The following BCAS3 variants were observed in gnomAD, a reference collection of about 807,000 sequenced individuals.
BCAS3 encodes BCAS4/BCAS3 fusion.
A neutral mutation model predicts 116.1 loss-of-function variants in BCAS3; 53 were observed. That is an observed-to-expected ratio of 0.46 (90% CI 0.37 to 0.57). The LOEUF is 0.57. BCAS3 is among the 20% of genes least tolerant of loss of function. The pLI is 0.00. For missense variants in BCAS3, 917 were observed against 1,165.4 expected, an observed-to-expected ratio of 0.79 and a Z score of 3.10; for synonymous variants, 391 against 408.2, an observed-to-expected ratio of 0.96 and a Z score of 0.51.
chr17:60,731,072 T>C (rs1391972216), intron 5 of BCAS3, among the ~76,000 whole-genome samples: 1 of 152,212 alleles, frequency 6.6e-6, no homozygotes, highest in African/African-American at 2.4e-5. Flanking sequence ...TAAAAGTAAA[T>C]TGTTATTAAT....
At chr17:61,094,465 C>T (rs1568339855) in intron 22 of BCAS3, among the ~76,000 whole-genome samples, 1 of 152,138 alleles carries the variant, frequency 6.6e-6, no homozygotes, top group African/African-American at 2.4e-5. Context: ...TATTTATTAC[C>T]AATAATAACA....
chr17:61,352,588 C>T lies in BCAS3; in HGVS notation c.2426-15739C>T, dbSNP rs191541813. Among the ~76,000 whole-genome samples the T allele has an allele frequency of 1.2e-3, 187 of 152,194 alleles. No individual in the cohort carries two copies. Among genetic ancestry groups the T allele is most frequent in the Non-Finnish European group, 2.2e-3 (150 of 68,006 alleles). ...TGACCCCACACTCGAGCCACAGCCTCGGAATCTCTTTACCCGTAGGCGCCA... is the reference window on the plus strand; with the variant it reads ...TGACCCCACACTCGAGCCACAGCCTTGGAATCTCTTTACCCGTAGGCGCCA... On this transcript the variant is annotated intron_variant, in intron 22 of 23. Transcript: ENST00000407086. This position sits in a 1 kb window ranked among gnomAD's most constrained non-coding sequence, Gnocchi z 4.7.
chr17:60,836,044 G>A (rs1451703944), intron 7 of BCAS3, among the ~76,000 whole-genome samples: 2 of 152,016 alleles, frequency 1.3e-5, no homozygotes, highest in Non-Finnish European at 2.9e-5. Context: ...AGGAGTTTTA[G>A]GGTCACAGCA....
chr17:60,766,823 CG>C (rs1442867376), intron 6 of BCAS3, among the ~76,000 whole-genome samples: 2 of 152,198 alleles, frequency 1.3e-5, no homozygotes, highest in Admixed American at 6.5e-5. Flanking sequence ...CAGAGGCAGG[CG>C]GGCCCTGTTG....
Position 61,199,708 on chromosome 17 carries a change from G to A in BCAS3, c.2425+115144G>A, listed in dbSNP as rs2080709754. ...GTTCCCTTCTCAAACAGCAGTGACA[G>A]CTTAATTTTGATAGGATCCCTATGA... On this transcript the variant is annotated intron_variant, in intron 22 of 23. Transcript: ENST00000407086. The surrounding 1 kb of genome is among the most constrained non-coding windows in gnomAD (Gnocchi z 4.6). 1.3e-5 allele frequency among the ~76,000 whole-genome samples: 2 copies of A among 150,092 alleles called. No homozygotes were observed. Among genetic ancestry groups the A allele is most frequent in the Non-Finnish European group, 1.5e-5 (1 of 67,602 alleles).
At chr17:61,271,828 T>G (rs1232064207) in intron 22 of BCAS3, among the ~76,000 whole-genome samples, 1 of 152,018 alleles carries the variant, frequency 6.6e-6, no homozygotes, top group Admixed American at 6.5e-5. Flanking sequence ...TTGTTTTGTT[T>G]GAACAAGGTC....
In BCAS3 at chr17:61,283,981, T is replaced by C. The variant is rs149918204; in HGVS notation, c.2426-84346T>C. On this transcript the variant is annotated intron_variant, in intron 22 of 23. Transcript: ENST00000407086. ...TGATTCACCTGGGCAGCTTTAGTTGTATCTTTGGTATTACGATCTTGAGAG... is the reference window on the plus strand; with the variant it reads ...TGATTCACCTGGGCAGCTTTAGTTGCATCTTTGGTATTACGATCTTGAGAG... Among the ~76,000 whole-genome samples the C allele has an allele frequency of 2.2e-3, 329 of 152,298 alleles. 2 individuals carry two copies. The highest frequency in any genetic ancestry group is 2.2e-3 in the Non-Finnish European group (153 of 68,016).
At chr17:60,729,090 T>C (rs1302446841) in intron 5 of BCAS3, among the ~76,000 whole-genome samples, 1 of 152,266 alleles carries the variant, frequency 6.6e-6, no homozygotes, top group African/African-American at 2.4e-5. Context: ...GTATGTACTC[T>C]TTTGCATCTG....
chr17:60,748,388 GT>G (rs1353863630), intron 6 of BCAS3, among the ~76,000 whole-genome samples: 1 of 152,148 alleles, frequency 6.6e-6, no homozygotes, highest in Non-Finnish European at 1.5e-5. Context: ...CTGTCTCTCT[GT>G]TTCTTTCTCA....
chr17:61,223,402 G>C (rs1602005674), intron 22 of BCAS3, among the ~76,000 whole-genome samples: 1 of 152,054 alleles, frequency 6.6e-6, no homozygotes, highest in East Asian at 1.9e-4. Flanking sequence ...CAGGTGATCT[G>C]CCTGCCTTGG....
intron 5 of BCAS3, among the ~76,000 whole-genome samples, chr17:60,720,982 C>G (rs1198895419): frequency 6.6e-6 from 1 of 152,042 alleles, no homozygotes; most frequent in Non-Finnish European, 1.5e-5. Flanking sequence ...TGCGGCTGCT[C>G]CTTGAAAGGA....
chr17:60,893,592 C>T (rs2057317261), intron 10 of BCAS3, among the ~76,000 whole-genome samples: 2 of 145,294 alleles, frequency 1.4e-5, no homozygotes, highest in Admixed American at 1.4e-4. Context: ...GTTATCTTGA[C>T]CTATGATCTT....
At position 61,083,501 on chromosome 17, in the gene BCAS3, A is replaced by T. The variant is rs542159009; in HGVS notation, c.2328-966A>T. The stretch of plus-strand genomic sequence containing the variant: ...TCACTAAGTTGCCTGGGACTTTCAG[A>T]TCTTTTAATCTTCCAGATACTTTTA... On this transcript the variant is annotated intron_variant, in intron 21 of 23. Coordinates refer to ENST00000407086, the MANE Select transcript of BCAS3 (RefSeq NM_017679.5). This position sits in a 1 kb window ranked among gnomAD's most constrained non-coding sequence, Gnocchi z 4.9. 2.0e-5 allele frequency among the ~76,000 whole-genome samples: 3 copies of T among 152,144 alleles called. No homozygotes were observed. The highest frequency in any genetic ancestry group is 7.2e-5 in the African/African-American group (3 of 41,482).
At chr17:61,167,125 T>C (rs543518391) in intron 22 of BCAS3, among the ~76,000 whole-genome samples, 1 of 152,210 alleles carries the variant, frequency 6.6e-6, no homozygotes, top group Non-Finnish European at 1.5e-5. Context: ...TTTAGCAGTG[T>C]GGGAGGTGAG....
intron 13 of BCAS3, among the ~76,000 whole-genome samples, chr17:60,941,255 G>A (rs2060207512): frequency 2.0e-5 from 3 of 152,156 alleles, no homozygotes; most frequent in East Asian, 1.9e-4. Flanking sequence ...CCCAGATGAC[G>A]CAAATGCTTT....
In BCAS3 at chr17:60,962,349, T is replaced by G. The variant is rs2061452088; in HGVS notation, c.1221+14997T>G. Among the ~76,000 whole-genome samples the G allele has an allele frequency of 6.6e-6, 1 of 152,176 alleles. No individual in the cohort carries two copies. Among genetic ancestry groups the G allele is most frequent in the Admixed American group, 6.5e-5 (1 of 15,278 alleles). On this transcript the variant is annotated intron_variant, in intron 14 of 23. Coordinates refer to ENST00000407086, the MANE Select transcript of BCAS3 (RefSeq NM_017679.5). This position sits in a 1 kb window ranked among gnomAD's most constrained non-coding sequence, Gnocchi z 4.4. ...CCACATTCTCACCAGCATCTTTTATTGATTGTCCTTTTGATACAAGCCATT... is the reference window on the plus strand; with the variant it reads ...CCACATTCTCACCAGCATCTTTTATGGATTGTCCTTTTGATACAAGCCATT...
chr17:61,327,591 C>T lies in BCAS3; in HGVS notation c.2426-40736C>T, dbSNP rs147208512. ...GTGTCACAGTCTTGGCTTACTGCAACCTCCGCCTCCCGGGTTCAAGACATT... is the reference window on the plus strand; with the variant it reads ...GTGTCACAGTCTTGGCTTACTGCAATCTCCGCCTCCCGGGTTCAAGACATT... On this transcript the variant is annotated intron_variant, in intron 22 of 23. Coordinates refer to ENST00000407086, the MANE Select transcript of BCAS3 (RefSeq NM_017679.5). The surrounding 1 kb of genome is among the most constrained non-coding windows in gnomAD (Gnocchi z 5.9). Among the ~76,000 whole-genome samples the T allele has an allele frequency of 1.6e-3, 249 of 152,046 alleles. 2 individuals carry two copies. The highest frequency in any genetic ancestry group is 5.8e-3 in the African/African-American group (239 of 41,468).
At chr17:60,784,887 G>A (rs1227361233) in intron 6 of BCAS3, among the ~76,000 whole-genome samples, 2 of 152,112 alleles carry the variant, frequency 1.3e-5, no homozygotes, top group East Asian at 4.0e-4. Flanking sequence ...CCTGAGGTGA[G>A]GAGTTTGAGA....
chr17:60,888,503 A>G (rs955315483), intron 9 of BCAS3, among the ~76,000 whole-genome samples: 1 of 152,196 alleles, frequency 6.6e-6, no homozygotes, highest in Non-Finnish European at 1.5e-5. Flanking sequence ...ATACTCATAT[A>G]AAATTATATT....
Sources: gnomAD v4.1 joint callset for allele counts (sites outside exome capture counted in the v4.1 genomes callset) on GRCh38, gnomAD v4.1.1 for gene constraint, Gnocchi (gnomAD v3.1) non-coding constraint, MANE v1.5 for transcripts, NCBI Gene and HGNC (gene_info 2026-07-23, HGNC 2026-07-21) for gene names.